Variants in RYK observed in about 807,000 individuals in gnomAD.
RYK encodes inactive tyrosine-protein kinase RYK.
Under a neutral mutation model 70.2 loss-of-function variants are expected in RYK, and 21 were observed. The ratio of observed to expected loss-of-function variants is 0.30; its 90% CI spans 0.21 to 0.43. RYK has a LOEUF of 0.43. Among genes scored for constraint, RYK ranks in the 20% least tolerant of loss-of-function variants. RYK has a pLI of 1.00. For missense variants in RYK, 604 were observed against 753.3 expected (o/e 0.80, Z 2.32); for synonymous variants, 267 against 278.0 (o/e 0.96, Z 0.39).
intron 1 of RYK, among the ~76,000 whole-genome samples, chr3:134,231,704 G>C (rs1034339013): frequency 6.6e-6 from 1 of 152,178 alleles, no homozygotes; most frequent in African/African-American, 2.4e-5. Flanking sequence ...GAGCCCAAAG[G>C]GCCCATTCTC....
chr3:134,236,768 T>C (rs1447955513), intron 1 of RYK, among the ~76,000 whole-genome samples: 1 of 152,156 alleles, frequency 6.6e-6, no homozygotes, highest in Non-Finnish European at 1.5e-5. Flanking sequence ...GAAAGTTACA[T>C]ATTTTGGGCT....
intron 1 of RYK, among the ~76,000 whole-genome samples, chr3:134,237,557 A>C (rs888756304): frequency 6.6e-6 from 1 of 152,200 alleles, no homozygotes; most frequent in African/African-American, 2.4e-5. Flanking sequence ...TTAAGGCAAA[A>C]AAACAAAAGT....
chr3:134,211,655 G>A (rs1441698311), intron 2 of RYK, 48 bp from the exon 3 acceptor site: 2 of 1,273,440 alleles, frequency 1.6e-6, no homozygotes, highest in Non-Finnish European at 2.3e-6. Context: ...ATAACAAGAA[G>A]GATACTATCA....
intron 1 of RYK, 43 bp from the exon 2 acceptor site, chr3:134,222,582 T>C (rs1297419730): frequency 1.4e-6 from 2 of 1,430,972 alleles, no homozygotes; most frequent in African/African-American, 1.4e-5. Flanking sequence ...CTTAAAATAT[T>C]CTCAAAATCA....
At chr3:134,204,591 CCACACACACACACACACA>C (rs59154111) in intron 5 of RYK, among the ~76,000 whole-genome samples, 2 of 140,694 alleles carry the variant, frequency 1.4e-5, no homozygotes, top group South Asian at 4.7e-4. Context: ...ACAGCCACAG[CCACACACACACACACACA>C]CACACACACA....
intron 1 of RYK, among the ~76,000 whole-genome samples, chr3:134,247,347 T>C (rs1004154348): frequency 4.6e-5 from 7 of 152,152 alleles, no homozygotes; most frequent in African/African-American, 1.7e-4. Context: ...AGGTAGTAGC[T>C]ACCCCTGGAA....
At chr3:134,214,769 C>T (rs1179136683) in intron 2 of RYK, among the ~76,000 whole-genome samples, 2 of 152,208 alleles carry the variant, frequency 1.3e-5, no homozygotes, top group Non-Finnish European at 2.9e-5. Flanking sequence ...CACCTCCTCA[C>T]ACTCAATGTT....
chr3:134,192,805 C>T (rs373796062), intron 7 of RYK, among the ~76,000 whole-genome samples: 14 of 152,256 alleles, frequency 9.2e-5, no homozygotes, highest in African/African-American at 3.1e-4. Flanking sequence ...TTTTGGGCAA[C>T]TTTACAATGC....
At position 134,232,399 on chromosome 3, in the gene RYK, G is replaced by A. The variant is rs565683657; in HGVS notation, c.233-9860C>T. On this transcript the variant is annotated intron_variant, in intron 1 of 14. Coordinates refer to ENST00000623711, the MANE Select transcript of RYK (RefSeq NM_002958.4). ...TGAATGCTGCATAATCCTGGATTAA[G>A]CCATTGCCACAAATGACTCACTACA... is the stretch of plus-strand genomic sequence containing the variant. Among the ~76,000 whole-genome samples the A allele has an allele frequency of 7.2e-5, 11 of 152,248 alleles. No individual in the cohort carries two copies. The South Asian group carries it at 2.3e-3, about 32-fold the overall frequency.
At chr3:134,220,170 G>T (rs1317182179) in intron 2 of RYK, among the ~76,000 whole-genome samples, 4 of 152,176 alleles carry the variant, frequency 2.6e-5, no homozygotes, top group Non-Finnish European at 5.9e-5. Flanking sequence ...TTACTGGCCT[G>T]TAAGTTTCAA....
chr3:134,174,498 C>T (rs148335310), intron 13 of RYK, among the ~76,000 whole-genome samples: 433 of 151,964 alleles, frequency 2.8e-3, no homozygotes, highest in African/African-American at 0.01. Context: ...TACAGTAAGC[C>T]CAATTCTTAC....
intron 1 of RYK, among the ~76,000 whole-genome samples, chr3:134,242,492 T>TA (rs1271464135): frequency 6.6e-6 from 1 of 152,198 alleles, no homozygotes; most frequent in South Asian, 2.1e-4. Flanking sequence ...TATTAGAAAA[T>TA]ATTGCACTTG....
intron 8 of RYK, among the ~76,000 whole-genome samples, chr3:134,190,121 A>C (rs1028569369): frequency 6.6e-6 from 1 of 152,240 alleles, no homozygotes; most frequent in African/African-American, 2.4e-5. Flanking sequence ...TTGTATGCTC[A>C]AGGCAGAAAA....
intron 13 of RYK, among the ~76,000 whole-genome samples, chr3:134,160,485 AT>A (rs144383058): frequency 0.018 from 2,676 of 152,276 alleles, 64 homozygotes; most frequent in African/African-American, 0.062. Context: ...AAATACACAG[AT>A]TTTTTTAAAA....
chr3:134,249,537 G>A (rs115560104), intron 1 of RYK, among the ~76,000 whole-genome samples: 444 of 152,250 alleles, frequency 2.9e-3, no homozygotes, highest in African/African-American at 1.0e-2. Context: ...GGTCGTTCCT[G>A]TCAGATCTTC....
At chr3:134,221,727 G>A (rs776702169) in intron 2 of RYK, among the ~76,000 whole-genome samples, 1 of 151,886 alleles carries the variant, frequency 6.6e-6, no homozygotes, top group Non-Finnish European at 1.5e-5. Flanking sequence ...TTTATTTCCT[G>A]AATAAAATCC....
chr3:134,240,047 G>C lies in RYK; in HGVS notation c.232+10376C>G, dbSNP rs115450000. On this transcript the variant is annotated intron_variant, in intron 1 of 14. Transcript: ENST00000623711. Reference sequence around the variant, plus strand: ...AAGAGTGGATCCAGGTCGTAGGCAAGAAGAGTCTCTACATATACATTTACA... The same window carrying C: ...AAGAGTGGATCCAGGTCGTAGGCAACAAGAGTCTCTACATATACATTTACA... Among the ~76,000 whole-genome samples the C allele has an allele frequency of 3.3e-3, 501 of 152,312 alleles. 4 individuals are homozygous for C. The highest frequency in any genetic ancestry group is 0.012 in the African/African-American group (485 of 41,562).
intron 6 of RYK, 78 bp from the exon 7 acceptor site, chr3:134,195,260 C>T: frequency 4.1e-6 from 4 of 978,046 alleles, no homozygotes; most frequent in Non-Finnish European, 6.4e-6. Flanking sequence ...ATACAAAATG[C>T]ACATAGCCAT....
At chr3:134,194,981 T>C (rs1184378325) in intron 7 of RYK, 101 bp downstream of exon 7, 4 of 820,510 alleles carry the variant, frequency 4.9e-6, no homozygotes, top group Middle Eastern at 2.2e-4. Flanking sequence ...TTAGATACGA[T>C]TTACACAACA....
Sources: allele counts gnomAD v4.1 joint callset (sites outside exome capture counted in the v4.1 genomes callset), GRCh38; gene constraint gnomAD v4.1.1; transcripts MANE v1.5; gene names NCBI Gene and HGNC (gene_info 2026-07-23, HGNC 2026-07-21).